The following CNTNAP5 variants were observed in gnomAD, a reference collection of about 807,000 sequenced individuals.
The protein encoded by CNTNAP5 is contactin associated protein family member 5.
In CNTNAP5, 72 loss-of-function variants were observed where a neutral mutation model predicts 150.2. The observed-to-expected ratio is 0.48, with a 90% CI of 0.40 to 0.58. The LOEUF is 0.58. Among genes scored for constraint, CNTNAP5 ranks in the 20% least tolerant of loss-of-function variants. The pLI is 0.00. For missense variants in CNTNAP5, 1,636 were observed against 1,626.2 expected, an observed-to-expected ratio of 1.01 and a Z score of -0.10; for synonymous variants, 672 against 619.8, an observed-to-expected ratio of 1.08 and a Z score of -1.25.
intron 1 of CNTNAP5, among the ~76,000 whole-genome samples, chr2:124,217,142 A>C (rs1481581345): frequency 6.6e-6 from 1 of 152,180 alleles, no homozygotes; most frequent in Non-Finnish European, 1.5e-5. Flanking sequence ...TTGGAAAGTG[A>C]TTCCTGGGAA....
chr2:124,344,019 A>G (rs1689680433), intron 3 of CNTNAP5, among the ~76,000 whole-genome samples: 1 of 152,174 alleles, frequency 6.6e-6, no homozygotes, highest in African/African-American at 2.4e-5. Flanking sequence ...TTGTACCAGA[A>G]CAAGAACCCA....
intron 13 of CNTNAP5, among the ~76,000 whole-genome samples, chr2:124,706,795 A>AAGAAGGAGG (rs1553433527): frequency 5.3e-4 from 10 of 18,870 alleles, no homozygotes; most frequent in African/African-American, 1.4e-3. Context: ...GAAGAAGAAG[A>AAGAAGGAGG]AGGAGGAGGA....
chr2:124,442,928 T>G (rs1692710894), intron 5 of CNTNAP5, among the ~76,000 whole-genome samples: 2 of 152,150 alleles, frequency 1.3e-5, no homozygotes, highest in East Asian at 1.9e-4. Flanking sequence ...ACAGCCAAAT[T>G]TTAAAGCTAG....
At chr2:124,501,218 C>T (rs544675836) in intron 7 of CNTNAP5, among the ~76,000 whole-genome samples, 2 of 152,264 alleles carry the variant, frequency 1.3e-5, no homozygotes, top group South Asian at 4.1e-4. Context: ...AGAGTAAGTA[C>T]ATAAAGTGAA....
At chr2:124,559,779 C>G (rs899176480) in intron 10 of CNTNAP5, among the ~76,000 whole-genome samples, 4 of 152,084 alleles carry the variant, frequency 2.6e-5, no homozygotes, top group African/African-American at 9.7e-5. Flanking sequence ...TGAAACTGCC[C>G]CTTTTAAATA....
At chr2:124,325,712 G>A (rs1689199463) in intron 3 of CNTNAP5, among the ~76,000 whole-genome samples, 1 of 152,130 alleles carries the variant, frequency 6.6e-6, no homozygotes, top group Non-Finnish European at 1.5e-5. Flanking sequence ...AGGGAGGTGA[G>A]GCCATTTCGA....
At chr2:124,213,506 CTG>C (rs1686074906) in intron 1 of CNTNAP5, among the ~76,000 whole-genome samples, 1 of 152,150 alleles carries the variant, frequency 6.6e-6, no homozygotes, top group East Asian at 1.9e-4. Context: ...TTTATGTAGT[CTG>C]AAATACTAAA....
intron 1 of CNTNAP5, among the ~76,000 whole-genome samples, chr2:124,085,345 G>A (rs1189728716): frequency 6.6e-6 from 1 of 152,098 alleles, no homozygotes; most frequent in Non-Finnish European, 1.5e-5. Context: ...AGATACAGCT[G>A]TTTGTGGCAG....
At chr2:124,405,337 A>G (rs1691542536) in intron 3 of CNTNAP5, among the ~76,000 whole-genome samples, 1 of 152,226 alleles carries the variant, frequency 6.6e-6, no homozygotes, top group Non-Finnish European at 1.5e-5. Flanking sequence ...TAAGTGGGAC[A>G]AAGTGAACTA....
At chr2:124,043,748 C>T (rs777221521) in intron 1 of CNTNAP5, among the ~76,000 whole-genome samples, 3 of 152,068 alleles carry the variant, frequency 2.0e-5, no homozygotes, top group Non-Finnish European at 4.4e-5. Flanking sequence ...ACATAAACCT[C>T]AAAGTCTAAA....
intron 13 of CNTNAP5, among the ~76,000 whole-genome samples, chr2:124,653,915 C>CCA (rs1553427433): frequency 3.0e-5 from 4 of 134,428 alleles, no homozygotes; most frequent in East Asian, 2.3e-4. Flanking sequence ...CCCCCAACCC[C>CCA]CCCCCCCCGC....
chr2:124,714,040 T>A (rs560983341), intron 13 of CNTNAP5, among the ~76,000 whole-genome samples: 1 of 152,190 alleles, frequency 6.6e-6, no homozygotes, highest in South Asian at 2.1e-4. Context: ...AGGCTCTTTT[T>A]TTCCCCCCAA....
intron 12 of CNTNAP5, among the ~76,000 whole-genome samples, chr2:124,619,005 C>G (rs559624614): frequency 6.6e-6 from 1 of 152,212 alleles, no homozygotes; most frequent in East Asian, 1.9e-4. Flanking sequence ...AATACAGGTA[C>G]TCAATTTATA....
chr2:124,586,167 A>G (rs1696532360), intron 11 of CNTNAP5, among the ~76,000 whole-genome samples: 1 of 152,284 alleles, frequency 6.6e-6, no homozygotes. Flanking sequence ...CCTGCTCACT[A>G]GATGGCGATT....
chr2:124,353,503 G>C (rs549936652), intron 3 of CNTNAP5, among the ~76,000 whole-genome samples: 1 of 151,964 alleles, frequency 6.6e-6, no homozygotes, highest in African/African-American at 2.4e-5. Context: ...CATGCTCTTG[G>C]GTCAGACAGG....
intron 3 of CNTNAP5, among the ~76,000 whole-genome samples, chr2:124,320,475 T>G (rs1362471486): frequency 6.6e-6 from 1 of 152,114 alleles, no homozygotes; most frequent in Non-Finnish European, 1.5e-5. Context: ...AGGCCCCAAG[T>G]CCCGCATTTA....
chr2:124,903,947 G>T (rs1678472137), intron 22 of CNTNAP5, among the ~76,000 whole-genome samples: 1 of 151,386 alleles, frequency 6.6e-6, no homozygotes, highest in South Asian at 2.1e-4. Flanking sequence ...CCAGCTACTT[G>T]GGAGGCTGAG....
At chr2:124,344,328 C>G (rs551753001) in intron 3 of CNTNAP5, among the ~76,000 whole-genome samples, 1 of 151,776 alleles carries the variant, frequency 6.6e-6, no homozygotes, top group South Asian at 2.1e-4. Context: ...AGACTGAAGG[C>G]AAGTTTCTTC....
chr2:124,370,396 AG>A (rs1690495104), intron 3 of CNTNAP5, among the ~76,000 whole-genome samples: 1 of 152,224 alleles, frequency 6.6e-6, no homozygotes, highest in East Asian at 1.9e-4. Context: ...TGGGTATTCC[AG>A]GTCACTCTGC....
Sources: gnomAD v4.1 joint callset for allele counts (sites outside exome capture counted in the v4.1 genomes callset) on GRCh38, gnomAD v4.1.1 for gene constraint, MANE v1.5 for transcripts, NCBI Gene and HGNC (gene_info 2026-07-23, HGNC 2026-07-21) for gene names.